Variants in RASA3 observed in about 807,000 individuals in gnomAD.
RASA3 encodes the protein RAS p21 protein activator 3.
In RASA3, 73 loss-of-function variants were observed where a neutral mutation model predicts 110.0. The ratio of observed to expected loss-of-function variants is 0.66; its 90% confidence interval spans 0.55 to 0.81. The LOEUF is 0.81. Among genes scored for constraint, RASA3 ranks in the 30% least tolerant of loss-of-function variants. The pLI is 0.00. For missense variants in RASA3, 976 were observed against 1,113.2 expected (o/e 0.88, Z 1.75); for synonymous variants, 500 against 451.4 (o/e 1.11, Z -1.37).
intron 22 of RASA3, among the ~76,000 whole-genome samples, chr13:113,983,422 G>T (rs1269000668): frequency 1.6e-5 from 2 of 127,800 alleles, no homozygotes; most frequent in African/African-American, 5.2e-5. Context: ...AAAATGCTGT[G>T]GGAGCGGCTT....
chr13:113,995,221 TCTC>T (rs940581339), intron 21 of RASA3, among the ~76,000 whole-genome samples: 3 of 152,220 alleles, frequency 2.0e-5, no homozygotes, highest in Admixed American at 6.5e-5. Context: ...CCAGGTTTTC[TCTC>T]CTCGTCAGGC....
intron 1 of RASA3, among the ~76,000 whole-genome samples, chr13:114,119,178 A>T (rs533031664): frequency 5.3e-5 from 8 of 152,238 alleles, no homozygotes; most frequent in Non-Finnish European, 8.8e-5. Flanking sequence ...AAATAAACTT[A>T]AAAAAAGGCA....
At chr13:114,039,328 G>T (rs2054346105) in intron 4 of RASA3, among the ~76,000 whole-genome samples, 1 of 147,368 alleles carries the variant, frequency 6.8e-6, no homozygotes, top group Middle Eastern at 3.4e-3. Flanking sequence ...TGTGTCCCAG[G>T]GACGCTGTGC....
intron 1 of RASA3, among the ~76,000 whole-genome samples, chr13:114,117,742 CGT>C (rs1388384918): frequency 9.0e-5 from 10 of 111,334 alleles, no homozygotes; most frequent in African/African-American, 2.9e-4. Flanking sequence ...GAGGAGAGCA[CGT>C]GTGTGAGGGA....
chr13:114,099,156 C>T (rs548785817), intron 1 of RASA3, among the ~76,000 whole-genome samples: 3 of 133,576 alleles, frequency 2.2e-5, no homozygotes, highest in African/African-American at 5.7e-5. Flanking sequence ...GCCACCCGAG[C>T]CCCCCAGACC....
intron 1 of RASA3, among the ~76,000 whole-genome samples, chr13:114,105,618 C>T (rs921532349): frequency 1.3e-5 from 2 of 152,310 alleles, no homozygotes; most frequent in Non-Finnish European, 2.9e-5. Context: ...ACTGACCAGA[C>T]GCTCCCTCCG....
At chr13:114,122,204 G>A (rs1174266191) in intron 1 of RASA3, among the ~76,000 whole-genome samples, 9 of 152,146 alleles carry the variant, frequency 5.9e-5, no homozygotes, top group East Asian at 3.9e-4. Context: ...CCCCACCCCC[G>A]GCCAGCAAGG....
intron 4 of RASA3, among the ~76,000 whole-genome samples, chr13:114,038,278 C>A (rs1244485371): frequency 2.6e-5 from 4 of 152,360 alleles, no homozygotes; most frequent in African/African-American, 9.6e-5. Context: ...AGTCACCAAG[C>A]CCCGTCTCCC....
At chr13:114,010,043 T>C (rs1375040846) in intron 16 of RASA3, among the ~76,000 whole-genome samples, 1 of 152,150 alleles carries the variant, frequency 6.6e-6, no homozygotes, top group Non-Finnish European at 1.5e-5. Flanking sequence ...GTGGGTTTGG[T>C]GCAGACCTCG....
intron 2 of RASA3, among the ~76,000 whole-genome samples, chr13:114,059,291 C>T (rs1478401218): frequency 6.6e-6 from 1 of 152,226 alleles, no homozygotes; most frequent in African/African-American, 2.4e-5. Flanking sequence ...GCTGCTCCCC[C>T]CAACCTAATT....
rs1359635350 is a variant in RASA3 at position 114,090,393 on chromosome 13, A to AT, written c.56-16557dup. Among the ~76,000 whole-genome samples, 5 of 152,220 alleles carry AT rather than the reference A, an allele frequency of 3.3e-5. No individual in the cohort carries two copies. The South Asian group carries it at 1.0e-3, about 31-fold the overall frequency. On this transcript the variant is annotated intron_variant, in intron 1 of 23. Coordinates refer to ENST00000334062, the MANE Select transcript of RASA3 (RefSeq NM_007368.4). Reference sequence around the variant, plus strand: ...TATGATGGCAAAATGGGGGTACATGATTGTGGCAACAGTTTTGAGACAGTT... The same window carrying AT: ...TATGATGGCAAAATGGGGGTACATGATTTGTGGCAACAGTTTTGAGACAGTT...
chr13:114,080,710 C>CCCCCAGGGGCCACTGAAACAGGGGTCTA (rs2079772036), intron 1 of RASA3, among the ~76,000 whole-genome samples: 1 of 152,188 alleles, frequency 6.6e-6, no homozygotes, highest in Non-Finnish European at 1.5e-5. Context: ...ACAGGGGTCT[C>CCCCCAGGGGCCACTGAAACAGGGGTCTA]CCCCAGGGGC....
chr13:114,069,151 A>C (rs2079509262), intron 2 of RASA3, among the ~76,000 whole-genome samples: 2 of 152,088 alleles, frequency 1.3e-5, no homozygotes, highest in African/African-American at 4.8e-5. Flanking sequence ...AGAGAAGCTG[A>C]GTTCCGCCTT....
chr13:114,074,711 G>A (rs1402346822), intron 1 of RASA3, among the ~76,000 whole-genome samples: 1 of 152,214 alleles, frequency 6.6e-6, no homozygotes, highest in Non-Finnish European at 1.5e-5. Flanking sequence ...CCACAGAGAC[G>A]CCACCTGGAC....
intron 8 of RASA3, among the ~76,000 whole-genome samples, chr13:114,022,176 G>A (rs1014641639): frequency 1.3e-5 from 2 of 152,266 alleles, no homozygotes; most frequent in South Asian, 2.1e-4. Context: ...ACGAATCTCC[G>A]TGACTACCGC....
At chr13:114,067,589 T>C (rs1434920586) in intron 2 of RASA3, among the ~76,000 whole-genome samples, 1 of 152,198 alleles carries the variant, frequency 6.6e-6, no homozygotes, top group African/African-American at 2.4e-5. Flanking sequence ...CCGAAAAACT[T>C]TGGAGCTGTG....
At chr13:114,060,951 C>T (rs868006274) in intron 2 of RASA3, among the ~76,000 whole-genome samples, 4 of 150,336 alleles carry the variant, frequency 2.7e-5, no homozygotes, top group Non-Finnish European at 5.9e-5. Context: ...AGACGGAGCC[C>T]CCCACAGCCG....
intron 1 of RASA3, among the ~76,000 whole-genome samples, chr13:114,088,122 C>A (rs528840904): frequency 1.5e-5 from 1 of 68,724 alleles, no homozygotes; most frequent in East Asian, 3.8e-4. Flanking sequence ...CAGAGTGAGG[C>A]CCTGTCTCAA....
intron 12 of RASA3, 109 bp downstream of exon 12, chr13:114,017,128 G>A (rs1594328996): frequency 1.3e-5 from 13 of 998,250 alleles, no homozygotes; most frequent in South Asian, 2.7e-5. Flanking sequence ...CAGAGGGGCC[G>A]ACATTCAAGC....
Sources: gnomAD v4.1 joint callset for allele counts (sites outside exome capture counted in the v4.1 genomes callset) on GRCh38, gnomAD v4.1.1 for gene constraint, MANE v1.5 for transcripts, NCBI Gene and HGNC (gene_info 2026-07-23, HGNC 2026-07-21) for gene names.